The following KCNJ1 variants were observed in gnomAD, a reference collection of about 807,000 sequenced individuals.
KCNJ1 encodes the protein potassium inwardly rectifying channel subfamily J member 1, also known as ATP-sensitive inward rectifier potassium channel 1.
Under a neutral mutation model 21.9 loss-of-function variants are expected in KCNJ1, and 24 were observed. The ratio of observed to expected loss-of-function variants is 1.10; its 90% CI spans 0.79 to 1.54. The LOEUF (loss-of-function observed/expected upper bound fraction) is 1.54. KCNJ1 is among the 40% of genes most tolerant of loss of function. The probability of loss-of-function intolerance (pLI) is 0.00; values close to 1 mark genes in which losing one functional copy is unlikely to be tolerated. For synonymous variants in KCNJ1, 152 were observed against 160.9 expected (o/e 0.94, Z 0.42); for missense variants, 457 against 455.4 (o/e 1.00, Z -0.03).
chr11:128,839,250 C>T lies in KCNJ1; in HGVS notation c.994G>A (p.Glu332Lys). 1 of 1,614,160 alleles carries T rather than the reference C, an allele frequency of 6.2e-7. No homozygotes were observed. Among genetic ancestry groups the T allele is most frequent in the Non-Finnish European group, 8.5e-7 (1 of 1,180,002 alleles). ...AGGCACATGGCACAGTGAGGGGTCTCCACTTCCACTGTCTTGCTAAAGTTA... is the reference window on the plus strand; with the variant it reads ...AGGCACATGGCACAGTGAGGGGTCTTCACTTCCACTGTCTTGCTAAAGTTA... Reference protein sequence around the residue: ...FHNFSKTVEVETPHCAMCLYN... With the variant: ...FHNFSKTVEVKTPHCAMCLYN... Residue 332 changes from glutamate (E) to lysine (K), a missense_variant, in exon 3 of 3, where the codon GAG becomes AAG. Glu to Lys is a moderately conservative substitution (Grantham distance 56). Coordinates refer to ENST00000392666, the MANE Select transcript of KCNJ1 (RefSeq NM_153766.3).
intron 2 of KCNJ1, among the ~76,000 whole-genome samples, chr11:128,840,699 T>A (rs1943268590): frequency 6.6e-6 from 1 of 152,220 alleles, no homozygotes; most frequent in African/African-American, 2.4e-5. Flanking sequence ...GCATTATGTA[T>A]GTTTTTGAGA....
chr11:128,858,431 G>A (rs927555666), intron 1 of KCNJ1, among the ~76,000 whole-genome samples: 6 of 152,036 alleles, frequency 3.9e-5, no homozygotes, highest in African/African-American at 1.2e-4. Context: ...ACGTGTCTCC[G>A]TGGCAACAGC....
chr11:128,849,484 G>A (rs539573411), intron 2 of KCNJ1, among the ~76,000 whole-genome samples: 10 of 152,312 alleles, frequency 6.6e-5, no homozygotes, highest in African/African-American at 2.2e-4. Context: ...GGGTTTTGCA[G>A]CATCTACAAA....
In KCNJ1 at chr11:128,851,817, C is replaced by G. The variant is rs543049794; in HGVS notation, c.-191-927G>C. ...ATGGAAAAAATTCAACTAATGTCTT[C>G]AGTATGGACACTCGGAGACTAGTAT... On this transcript the variant is annotated intron_variant, in intron 1 of 2. Coordinates refer to ENST00000392666, the MANE Select transcript of KCNJ1 (RefSeq NM_153766.3). Among the ~76,000 whole-genome samples, 35 of 152,318 alleles carry G rather than the reference C, an allele frequency of 2.3e-4. No individual in the cohort carries two copies. The South Asian group carries it at 7.0e-3, about 31-fold the overall frequency.
At chr11:128,858,371 C>A (rs1943629622) in intron 1 of KCNJ1, among the ~76,000 whole-genome samples, 1 of 152,126 alleles carries the variant, frequency 6.6e-6, no homozygotes, top group South Asian at 2.1e-4. Context: ...AGTTAAATGT[C>A]AACTCTGCAC....
At chr11:128,842,680 A>G (rs962669426) in intron 2 of KCNJ1, 2 of 616,678 alleles carry the variant, frequency 3.2e-6, no homozygotes, top group Non-Finnish European at 5.3e-6. Context: ...AGACATGACA[A>G]GCCATCAGCT....
Position 128,839,691 on chromosome 11 carries a change from C to A in KCNJ1, c.553G>T (p.Gly185Ter). 1 of 1,613,212 alleles carries A rather than the reference C, an allele frequency of 6.2e-7. No individual in the cohort carries two copies. Among genetic ancestry groups the A allele is most frequent in the Non-Finnish European group, 8.5e-7 (1 of 1,179,726 alleles). The change falls in exon 3 of 3, where the codon GGA becomes TGA. Residue 185 changes from glycine (G) to a stop codon, truncating the protein, a stop_gained. Coordinates refer to ENST00000392666, the MANE Select transcript of KCNJ1 (RefSeq NM_153766.3). LOFTEE classifies it high-confidence loss of function. ...CGGATTAGGAGGCAAAGCTTCCCTC[C>A]CCGTTTGCTGATCACTGCGTTCTTG... ...FSKNAVISKRGGKLCLLIRVA... is the reference protein window; with the variant it reads ...FSKNAVISKR
intron 1 of KCNJ1, among the ~76,000 whole-genome samples, chr11:128,860,055 C>A (rs1284092014): frequency 6.6e-6 from 1 of 152,202 alleles, no homozygotes; most frequent in Non-Finnish European, 1.5e-5. Context: ...GGGCACTGCG[C>A]AAGAGAGGTC....
At position 128,838,833 on chromosome 11, in the gene KCNJ1, C is replaced by A; in HGVS notation, c.*292G>T. 1 of 371,634 alleles carries A rather than the reference C, an allele frequency of 2.7e-6. No homozygotes were observed. The highest frequency in any genetic ancestry group is 4.9e-6 in the Non-Finnish European group (1 of 205,414). The allele number at this position is 371,634 out of a possible 1,614,324, so 23.0% of individuals were successfully genotyped here. ...TTCATGAAACTTTTGATAATTTTAT[C>A]TGCTCCAATCCACCTTATATGAGCT... On this transcript the variant is annotated 3_prime_UTR_variant, in exon 3 of 3. Coordinates refer to ENST00000392666, the MANE Select transcript of KCNJ1 (RefSeq NM_153766.3).
At chr11:128,863,373 C>T (rs1327480867) in intron 1 of KCNJ1, among the ~76,000 whole-genome samples, 1 of 152,200 alleles carries the variant, frequency 6.6e-6, no homozygotes, top group Non-Finnish European at 1.5e-5. Flanking sequence ...CCCTTAGAAG[C>T]ATCAGTGAGT....
intron 1 of KCNJ1, among the ~76,000 whole-genome samples, chr11:128,863,903 A>G (rs1591424294): frequency 6.6e-6 from 1 of 152,196 alleles, no homozygotes; most frequent in East Asian, 1.9e-4. Flanking sequence ...ACAGATTCTG[A>G]CGAGGCAATG....
chr11:128,867,127 A>G (rs1943833066), intron 1 of KCNJ1, 46 bp downstream of exon 1: 1 of 152,196 alleles, frequency 6.6e-6, no homozygotes, highest in Non-Finnish European at 1.5e-5. Flanking sequence ...CACAAGAATT[A>G]ACTTCTTTTT....
At chr11:128,846,669 G>A (rs1168160237) in intron 2 of KCNJ1, among the ~76,000 whole-genome samples, 2 of 152,218 alleles carry the variant, frequency 1.3e-5, no homozygotes, top group Admixed American at 6.5e-5. Context: ...GAACAGGATA[G>A]AGGGAGAGAA....
intron 1 of KCNJ1, among the ~76,000 whole-genome samples, chr11:128,855,634 T>C (rs1000110955): frequency 3.3e-5 from 5 of 152,002 alleles, no homozygotes; most frequent in African/African-American, 1.2e-4. Flanking sequence ...GTTATCAGAG[T>C]GAGTTATTTG....
chr11:128,838,905 A>G lies in KCNJ1; in HGVS notation c.*220T>C. The G allele has an allele frequency of 1.7e-6, 1 of 582,612 alleles. No individual in the cohort carries two copies. Among genetic ancestry groups the G allele is most frequent in the South Asian group, 2.1e-5 (1 of 48,048 alleles). The allele number at this position is 582,612 out of a possible 1,614,324, so 36.1% of individuals were successfully genotyped here. A position where few individuals can be genotyped will look rare whatever the true frequency, so the allele number is the denominator to read the frequency against. On this transcript the variant is annotated 3_prime_UTR_variant, in exon 3 of 3. Transcript: ENST00000392666. ...TCAAGAGAGCACCTATGTCTTCCAT[A>G]CACCAGTTTCATATAAATGCATTGC...
chr11:128,841,241 A>G (rs1383394097), intron 2 of KCNJ1, among the ~76,000 whole-genome samples: 1 of 152,238 alleles, frequency 6.6e-6, no homozygotes, highest in Non-Finnish European at 1.5e-5. Context: ...GGGAGCACTG[A>G]TTTAAGTAAT....
Position 128,867,246 on chromosome 11 carries a change from G to T in KCNJ1, c.-265C>A, listed in dbSNP as rs1027080968. ...TCTCCAAGAAAGCAACCAGATTCTCGATGTGAGCAAGTCCCTGCACCTTTG... is the reference window on the plus strand; with the variant it reads ...TCTCCAAGAAAGCAACCAGATTCTCTATGTGAGCAAGTCCCTGCACCTTTG... On this transcript the variant is annotated 5_prime_UTR_variant, in exon 1 of 3. Transcript: ENST00000392666. 1 of 152,054 alleles carries T rather than the reference G, an allele frequency of 6.6e-6. No individual in the cohort carries two copies. The highest frequency in any genetic ancestry group is 1.5e-5 in the Non-Finnish European group (1 of 68,014). The allele number at this position is 152,054 out of a possible 1,614,324, so 9.4% of individuals were successfully genotyped here.
intron 1 of KCNJ1, among the ~76,000 whole-genome samples, chr11:128,858,015 C>T (rs1474570092): frequency 6.6e-6 from 1 of 151,880 alleles, no homozygotes; most frequent in Non-Finnish European, 1.5e-5. Flanking sequence ...CAGCTAAACC[C>T]TGTGCAAGAG....
intron 2 of KCNJ1, among the ~76,000 whole-genome samples, chr11:128,843,867 C>T (rs1378593170): frequency 3.3e-5 from 5 of 152,138 alleles, no homozygotes; most frequent in African/African-American, 4.8e-5. Flanking sequence ...TGGACTCAGT[C>T]CTTGTTATCA....
Sources: allele counts gnomAD v4.1 joint callset (sites outside exome capture counted in the v4.1 genomes callset), GRCh38; gene constraint gnomAD v4.1.1; transcripts MANE v1.5; gene names NCBI Gene and HGNC (gene_info 2026-07-23, HGNC 2026-07-21).